APOC1: variants seen among roughly 807,000 people sequenced by gnomAD.
APOC1 encodes apolipoprotein C1.
Under a neutral mutation model 6.7 loss-of-function variants are expected in APOC1, and 4 were observed. The observed-to-expected ratio is 0.60, with a 90% CI of 0.29 to 1.37. The LOEUF (loss-of-function observed/expected upper bound fraction) is 1.37, where lower values mean the gene tolerates loss of function less well. APOC1 is among the 40% of genes most tolerant of loss of function. APOC1 has a pLI of 0.09. For synonymous variants in APOC1, 33 were observed against 40.6 expected, an observed-to-expected ratio of 0.81 and a Z score of 0.72; for missense variants, 122 against 99.4, an observed-to-expected ratio of 1.23 and a Z score of -0.97.
At chr19:44,918,600 ATC>A (rs1175257261) in intron 3 of APOC1, among the ~76,000 whole-genome samples, 2 of 151,956 alleles carry the variant, frequency 1.3e-5, no homozygotes, top group Admixed American at 6.6e-5. Context: ...CATGGTCTCG[ATC>A]TCCTGACCTG....
chr19:44,918,624 G>A lies in APOC1; in HGVS notation c.195-549G>A, dbSNP rs996568404. Among the ~76,000 whole-genome samples the A allele has an allele frequency of 1.3e-4, 19 of 151,810 alleles. 1 individual carries two copies. Among genetic ancestry groups the A allele is most frequent in the Admixed American group, 8.5e-4 (13 of 15,232 alleles). On this transcript the variant is annotated intron_variant, in intron 3 of 3. Coordinates refer to ENST00000592535, the MANE Select transcript of APOC1 (RefSeq NM_001645.5). ...GATCTCCTGACCTGGTGATCCACCC[G>A]CCTCGGCCTCCCAAAGTGCTGGGAT...
Position 44,914,969 on chromosome 19 carries a change from A to C in APOC1, c.58+20A>C. 1.3e-6 allele frequency: 2 copies of C among 1,598,246 alleles called. No individual in the cohort carries two copies. Among genetic ancestry groups the C allele is most frequent in the Non-Finnish European group, 1.7e-6 (2 of 1,166,256 alleles). On this transcript the variant is annotated intron_variant, in intron 2 of 3. Coordinates refer to ENST00000592535, the MANE Select transcript of APOC1 (RefSeq NM_001645.5). The stretch of plus-strand genomic sequence containing the variant: ...TGGAAGGTAAAAGTGGGATGGGAGA[A>C]TTGCGGAGTTGGAGATTTGGAAGAG...
rs904137205 is a variant in APOC1 at position 44,914,828 on chromosome 19, A to G, written c.-20-44A>G. The stretch of plus-strand genomic sequence containing the variant: ...GATCGTGGGAGGGAGGTAGGGAGGG[A>G]GGAGGGTGCCACTGATCCCCTGAAC... On this transcript the variant is annotated intron_variant, in intron 1 of 3. Coordinates refer to ENST00000592535, the MANE Select transcript of APOC1 (RefSeq NM_001645.5). 4.0e-6 allele frequency: 6 copies of G among 1,511,718 alleles called. No individual in the cohort carries two copies. In the African/African-American group the frequency reaches 8.3e-5, roughly 21 times the overall value. 93.6% of individuals were successfully genotyped at this position (1,511,718 alleles called of 1,614,324 possible).
rs763192111 is a variant in APOC1 at position 44,916,277 on chromosome 19, G to A, written c.146G>A (p.Arg49Gln). 28 of 1,613,874 alleles carry A rather than the reference G, an allele frequency of 1.7e-5. No individual in the cohort carries two copies. The African/African-American group carries it at 2.4e-4, about 14-fold the overall frequency. Residue 49 changes from arginine to glutamine, a missense_variant, in exon 3 of 4, where the codon CGG becomes CAG. Physicochemically the swap from Arg to Gln is conservative, Grantham distance 43. Coordinates refer to ENST00000592535, the MANE Select transcript of APOC1 (RefSeq NM_001645.5). Reference sequence around the variant, plus strand: ...GGAAACACACTGGAGGACAAGGCTCGGGAACTCATCAGCCGCATCAAACAG... The same window carrying A: ...GGAAACACACTGGAGGACAAGGCTCAGGAACTCATCAGCCGCATCAAACAG... ...EFGNTLEDKARELISRIKQSE... is the reference protein window; with the variant it reads ...EFGNTLEDKAQELISRIKQSE...
At position 44,914,853 on chromosome 19, in the gene APOC1, C is replaced by T. The variant is rs1969974675; in HGVS notation, c.-20-19C>T. ...AGGAGGGTGCCACTGATCCCCTGAACCCCTGCCTCTGCCTCCAGAGTGCCC... is the reference window on the plus strand; with the variant it reads ...AGGAGGGTGCCACTGATCCCCTGAATCCCTGCCTCTGCCTCCAGAGTGCCC... On this transcript the variant is annotated intron_variant, in intron 1 of 3. Transcript: ENST00000592535. 6.2e-7 allele frequency: 1 copy of T among 1,608,504 alleles called. No individual in the cohort carries two copies. Among genetic ancestry groups the T allele is most frequent in the Non-Finnish European group, 8.5e-7 (1 of 1,176,176 alleles).
chr19:44,915,511 C>T (rs913200678), intron 2 of APOC1, among the ~76,000 whole-genome samples: 1 of 150,646 alleles, frequency 6.6e-6, no homozygotes, highest in Non-Finnish European at 1.5e-5. Context: ...AGGGTTTCAC[C>T]GTGGTCTCGA....
rs775709377 is a variant in APOC1 at position 44,915,165 on chromosome 19, T to G, written c.58+216T>G. On this transcript the variant is annotated intron_variant, in intron 2 of 3. Coordinates refer to ENST00000592535, the MANE Select transcript of APOC1 (RefSeq NM_001645.5). ...AGAGCACTAGCAACCGATGACGTAT[T>G]GAGGCCCACACCTCTGGGATTGGCT... is the stretch of plus-strand genomic sequence containing the variant. The G allele has an allele frequency of 5.9e-5, 35 of 593,528 alleles. No individual in the cohort carries two copies. In the South Asian group the frequency reaches 6.3e-4, roughly 11 times the overall value. 36.8% of individuals were successfully genotyped at this position (593,528 alleles called of 1,614,324 possible).
intron 3 of APOC1, among the ~76,000 whole-genome samples, chr19:44,916,825 A>AC (rs1238728762): frequency 3.0e-4 from 44 of 144,632 alleles, no homozygotes; most frequent in South Asian, 1.7e-3. Context: ...AAAAAAAAAA[A>AC]AAAAAAAAAA....
chr19:44,918,370 T>C (rs1970045379), intron 3 of APOC1, among the ~76,000 whole-genome samples: 1 of 146,002 alleles, frequency 6.8e-6, no homozygotes, highest in African/African-American at 2.5e-5. Context: ...CTTTTTAAAT[T>C]TTTTTTTTTG....
intron 3 of APOC1, among the ~76,000 whole-genome samples, chr19:44,918,591 A>G (rs1167786044): frequency 6.6e-6 from 1 of 151,922 alleles, no homozygotes; most frequent in Non-Finnish European, 1.5e-5. Flanking sequence ...CTTAGCCAGC[A>G]TGGTCTCGAT....
Position 44,919,251 on chromosome 19 carries a change from C to T in APOC1, c.*21C>T. ...CATGAGGACCTGAAGGGTGACATCC[C>T]AGGAGGGGCCTCTGAAATTTCCCAC... On this transcript the variant is annotated 3_prime_UTR_variant, in exon 4 of 4. Transcript: ENST00000592535. The T allele has an allele frequency of 6.2e-7, 1 of 1,611,622 alleles. No homozygotes were observed. The highest frequency in any genetic ancestry group is 1.7e-5 in the Admixed American group (1 of 59,980).
At chr19:44,918,337 C>CTT (rs1200008263) in intron 3 of APOC1, among the ~76,000 whole-genome samples, 14 of 90,334 alleles carry the variant, frequency 1.5e-4, no homozygotes, top group African/African-American at 4.3e-4. Context: ...TGAAGTGTTT[C>CTT]TTTTTTTTTT....
chr19:44,917,998 C>T (rs565989449), intron 3 of APOC1, among the ~76,000 whole-genome samples: 3 of 151,486 alleles, frequency 2.0e-5, no homozygotes, highest in East Asian at 3.9e-4. Flanking sequence ...ACTCCTGGCG[C>T]GGTGGCTCAC....
intron 3 of APOC1, among the ~76,000 whole-genome samples, chr19:44,917,930 T>C (rs1321043333): frequency 2.0e-5 from 3 of 150,706 alleles, no homozygotes; most frequent in African/African-American, 4.9e-5. Flanking sequence ...GCCGAGATCA[T>C]GCCACTGCAC....
At chr19:44,918,620 A>G (rs484195) in intron 3 of APOC1, among the ~76,000 whole-genome samples, 99,906 of 151,816 alleles carry the variant, frequency 0.66, 34,212 homozygotes, top group African/African-American at 0.85. Flanking sequence ...CTGGTGATCC[A>G]CCCGCCTCGG....
At chr19:44,918,851 A>G (rs772954498) in intron 3 of APOC1, 1 of 314,606 alleles carries the variant, frequency 3.2e-6, no homozygotes, top group African/African-American at 2.2e-5. Flanking sequence ...TGAAGATGAC[A>G]TTTCACCATG....
At chr19:44,914,842 G>T in intron 1 of APOC1, 30 bp from the exon 2 acceptor site, 1 of 1,590,144 alleles carries the variant, frequency 6.3e-7, no homozygotes, top group Non-Finnish European at 8.6e-7. Flanking sequence ...GGGTGCCACT[G>T]ATCCCCTGAA....
intron 3 of APOC1, among the ~76,000 whole-genome samples, chr19:44,918,145 G>A (rs1363639862): frequency 6.7e-6 from 1 of 150,350 alleles, no homozygotes; most frequent in Non-Finnish European, 1.5e-5. Context: ...GCAGGCACCT[G>A]TAGTCCCAGC....
intron 3 of APOC1, 63 bp from the exon 4 acceptor site, chr19:44,919,110 A>T: frequency 7.2e-7 from 1 of 1,393,868 alleles, no homozygotes; most frequent in Non-Finnish European, 1.0e-6. Flanking sequence ...GGTAGCAGGC[A>T]GAATTTGGAC....
Sources: allele counts gnomAD v4.1 joint callset (sites outside exome capture counted in the v4.1 genomes callset), GRCh38; gene constraint gnomAD v4.1.1; transcripts MANE v1.5; gene names NCBI Gene and HGNC (gene_info 2026-07-23, HGNC 2026-07-21).